SESN1: variants seen among roughly 807,000 people sequenced by gnomAD.
SESN1 encodes the protein sestrin-1.
SESN1 carries 30 observed loss-of-function variants against 59.3 expected under a neutral mutation model. That is an observed-to-expected ratio of 0.51 (90% CI 0.38 to 0.69). The LOEUF is 0.69. Ranked by LOEUF, SESN1 falls within the 30% of genes least tolerant of loss-of-function variation. The pLI is 0.00. For missense variants in SESN1, 566 were observed against 673.0 expected, an observed-to-expected ratio of 0.84 and a Z score of 1.76; for synonymous variants, 197 against 219.9, an observed-to-expected ratio of 0.90 and a Z score of 0.92.
At chr6:109,050,938 C>A (rs1017247235) in intron 1 of SESN1, among the ~76,000 whole-genome samples, 8 of 152,090 alleles carry the variant, frequency 5.3e-5, no homozygotes, top group Admixed American at 5.2e-4. Flanking sequence ...TCAGCCACCT[C>A]CATAGAAATA....
chr6:109,035,120 T>C (rs1780231595), intron 1 of SESN1, among the ~76,000 whole-genome samples: 1 of 152,164 alleles, frequency 6.6e-6, no homozygotes, highest in Non-Finnish European at 1.5e-5. Context: ...ACCACTGCTA[T>C]AGTTCACATC....
intron 1 of SESN1, among the ~76,000 whole-genome samples, chr6:109,037,144 A>G (rs1189461040): frequency 1.3e-5 from 2 of 152,250 alleles, no homozygotes; most frequent in Admixed American, 6.5e-5. Flanking sequence ...CCATAAGTCC[A>G]GAAAAACAAG....
intron 1 of SESN1, among the ~76,000 whole-genome samples, chr6:109,037,319 G>C (rs1780264964): frequency 6.6e-6 from 1 of 152,088 alleles, no homozygotes; most frequent in African/African-American, 2.4e-5. Context: ...GGAATTTAGG[G>C]CACAGAAAAG....
chr6:109,002,879 G>A (rs958913088), intron 1 of SESN1, among the ~76,000 whole-genome samples: 2 of 152,152 alleles, frequency 1.3e-5, no homozygotes, highest in African/African-American at 4.8e-5. Context: ...TGTTTTCTCT[G>A]CAGTTAAATA....
intron 1 of SESN1, among the ~76,000 whole-genome samples, chr6:109,005,054 TCAA>T (rs974439132): frequency 6.6e-6 from 1 of 152,222 alleles, no homozygotes; most frequent in African/African-American, 2.4e-5. Flanking sequence ...AGCCTTTGAA[TCAA>T]CAATTCCATC....
chr6:109,058,667 ACCT>A lies in SESN1; in HGVS notation c.279+35125_279+35127del, dbSNP rs150107601. Among the ~76,000 whole-genome samples, 1,197 of 152,262 alleles carry A rather than the reference ACCT, an allele frequency of 7.9e-3. 21 individuals are homozygous for A. The highest frequency in any genetic ancestry group is 0.028 in the African/African-American group (1,151 of 41,546). Reference sequence around the variant, plus strand: ...AAGTAAAAGTAATTCAGATCTAGTGACCTTCTTTTGTTTTTTCTTTCCAAGTGT... The same window carrying A: ...AAGTAAAAGTAATTCAGATCTAGTGATCTTTTGTTTTTTCTTTCCAAGTGT... On this transcript the variant is annotated intron_variant, in intron 1 of 9. Transcript: ENST00000436639.
intron 1 of SESN1, among the ~76,000 whole-genome samples, chr6:109,011,522 T>G (rs180992442): frequency 6.6e-6 from 1 of 152,310 alleles, no homozygotes; most frequent in East Asian, 1.9e-4. Context: ...TTCTCTGCTA[T>G]AGAGCACTAG....
At chr6:109,086,582 A>G (rs1781216617) in intron 1 of SESN1, among the ~76,000 whole-genome samples, 1 of 152,236 alleles carries the variant, frequency 6.6e-6, no homozygotes, top group African/African-American at 2.4e-5. Context: ...AATGGTCTGC[A>G]CATACAGCAC....
chr6:109,036,308 G>A (rs1054749227), intron 1 of SESN1, among the ~76,000 whole-genome samples: 6 of 152,176 alleles, frequency 3.9e-5, no homozygotes, highest in East Asian at 3.8e-4. Context: ...TTGGCTTTAC[G>A]ATTTGTCTGA....
At chr6:109,045,761 A>G (rs932477904) in intron 1 of SESN1, among the ~76,000 whole-genome samples, 1 of 152,166 alleles carries the variant, frequency 6.6e-6, no homozygotes. Context: ...AGTATATACC[A>G]TAACTGCCTG....
chr6:109,086,239 T>C (rs1197728015), intron 1 of SESN1, among the ~76,000 whole-genome samples: 1 of 152,030 alleles, frequency 6.6e-6, no homozygotes, highest in Non-Finnish European at 1.5e-5. Context: ...TAATCCCAGC[T>C]ACTCGGGAGG....
intron 1 of SESN1, among the ~76,000 whole-genome samples, chr6:109,058,819 GT>G (rs1039432146): frequency 4.0e-5 from 6 of 149,512 alleles, no homozygotes; most frequent in South Asian, 4.2e-4. Flanking sequence ...TCGTATGATA[GT>G]TTTTTAAGTT....
chr6:109,090,026 A>G (rs1325976927), intron 1 of SESN1, among the ~76,000 whole-genome samples: 2 of 152,162 alleles, frequency 1.3e-5, no homozygotes, highest in African/African-American at 2.4e-5. Context: ...CACAACCCTT[A>G]AATAGCCTAT....
At chr6:108,998,457 A>ATAACAGCAAT in intron 5 of SESN1, 56 bp downstream of exon 5, 1 of 1,595,318 alleles carries the variant, frequency 6.3e-7, no homozygotes, top group Non-Finnish European at 8.6e-7. Flanking sequence ...AAGAAATAAT[A>ATAACAGCAAT]TAACAGCAAT....
At chr6:109,069,270 C>T (rs1270954516) in intron 1 of SESN1, among the ~76,000 whole-genome samples, 12 of 149,994 alleles carry the variant, frequency 8.0e-5, no homozygotes, top group East Asian at 5.8e-4. Context: ...AAAAAAGTTG[C>T]GGAAAAAAGA....
chr6:109,072,388 T>C (rs1780954647), intron 1 of SESN1, among the ~76,000 whole-genome samples: 1 of 152,208 alleles, frequency 6.6e-6, no homozygotes, highest in Admixed American at 6.5e-5. Flanking sequence ...TGTTGTTGAA[T>C]ATAACTCCAG....
intron 6 of SESN1, among the ~76,000 whole-genome samples, chr6:108,994,247 A>C (rs985691903): frequency 1.3e-5 from 2 of 152,034 alleles, no homozygotes; most frequent in African/African-American, 4.8e-5. Flanking sequence ...CCAGAATCCA[A>C]ATTAAATGTC....
At chr6:109,009,304 C>T (rs921831092) in intron 1 of SESN1, 2 of 1,416,718 alleles carry the variant, frequency 1.4e-6, no homozygotes, top group Middle Eastern at 2.0e-4. Context: ...GCAGCTCGGC[C>T]GGGTGCCCAC....
chr6:109,069,855 G>A (rs1254094302), intron 1 of SESN1, among the ~76,000 whole-genome samples: 1 of 152,088 alleles, frequency 6.6e-6, no homozygotes, highest in African/African-American at 2.4e-5. Context: ...ACTGCACCCA[G>A]CCTCCACAAA....
Sources: allele counts gnomAD v4.1 joint callset (sites outside exome capture counted in the v4.1 genomes callset), GRCh38; gene constraint gnomAD v4.1.1; transcripts MANE v1.5; gene names NCBI Gene and HGNC (gene_info 2026-07-23, HGNC 2026-07-21).